ZDHHC17: variants seen among roughly 807,000 people sequenced by gnomAD.
The protein encoded by ZDHHC17 is zDHHC palmitoyltransferase 17.
ZDHHC17 carries 40 observed loss-of-function variants against 90.3 expected under a neutral mutation model. The observed-to-expected ratio is 0.44, with a 90% CI of 0.34 to 0.58. The LOEUF (loss-of-function observed/expected upper bound fraction) is 0.58. ZDHHC17 is among the 20% of genes least tolerant of loss of function. The probability of loss-of-function intolerance (pLI) is 0.01; values close to 1 mark genes in which losing one functional copy is unlikely to be tolerated. For synonymous variants in ZDHHC17, 235 were observed against 252.4 expected, an observed-to-expected ratio of 0.93 and a Z score of 0.65; for missense variants, 614 against 780.8, an observed-to-expected ratio of 0.79 and a Z score of 2.55.
chr12:76,764,471 G>C (rs1389777720), intron 1 of ZDHHC17, 142 bp downstream of exon 1: 2 of 767,954 alleles, frequency 2.6e-6, no homozygotes, highest in Non-Finnish European at 4.1e-6. Context: ...ATCCAGGCCT[G>C]AGCGCGGCTG....
At chr12:76,796,393 A>T (rs1157519673) in intron 1 of ZDHHC17, among the ~76,000 whole-genome samples, 2 of 152,156 alleles carry the variant, frequency 1.3e-5, no homozygotes, top group East Asian at 3.8e-4. Context: ...GTGCTATGTT[A>T]TATTGAGGAA....
chr12:76,777,034 C>T (rs140339585), intron 1 of ZDHHC17, among the ~76,000 whole-genome samples: 1 of 152,254 alleles, frequency 6.6e-6, no homozygotes, highest in East Asian at 1.9e-4. Flanking sequence ...CCAGTGGTAA[C>T]ACCTTGCAAA....
chr12:76,819,993 T>TAA (rs71085459), intron 7 of ZDHHC17, among the ~76,000 whole-genome samples: 18 of 140,784 alleles, frequency 1.3e-4, no homozygotes, highest in African/African-American at 4.8e-4. Flanking sequence ...AACTATGTCT[T>TAA]AAAAAAAAAA....
chr12:76,790,518 C>A (rs1392926420), intron 1 of ZDHHC17, among the ~76,000 whole-genome samples: 7 of 152,076 alleles, frequency 4.6e-5, no homozygotes, highest in Non-Finnish European at 8.8e-5. Flanking sequence ...AATAAATATT[C>A]ATTCATCAAA....
intron 8 of ZDHHC17, among the ~76,000 whole-genome samples, chr12:76,825,588 A>T (rs1953221333): frequency 6.6e-6 from 1 of 152,162 alleles, no homozygotes; most frequent in Admixed American, 6.5e-5. Context: ...CCTGAAATTG[A>T]TGTTTAATTA....
chr12:76,844,259 ATTAT>A (rs1953468211), intron 12 of ZDHHC17: 1 of 152,152 alleles, frequency 6.6e-6, no homozygotes, highest in Admixed American at 6.6e-5. Flanking sequence ...TTTATTATAT[ATTAT>A]TTATAAGCCA....
chr12:76,816,908 A>G (rs544050144), intron 7 of ZDHHC17, among the ~76,000 whole-genome samples: 89 of 152,136 alleles, frequency 5.9e-4, no homozygotes, highest in Admixed American at 8.5e-4. Context: ...AAAATCATGT[A>G]TATTTTTCTT....
At chr12:76,802,418 A>G (rs1057010054) in intron 2 of ZDHHC17, among the ~76,000 whole-genome samples, 4 of 152,194 alleles carry the variant, frequency 2.6e-5, no homozygotes, top group African/African-American at 9.6e-5. Flanking sequence ...AATATGTCTC[A>G]GTGTGGGTGT....
chr12:76,777,778 C>T (rs767156245), intron 1 of ZDHHC17, among the ~76,000 whole-genome samples: 2 of 152,144 alleles, frequency 1.3e-5, no homozygotes, highest in Non-Finnish European at 2.9e-5. Flanking sequence ...AGGCAAGTAG[C>T]GTCACTCTAG....
intron 10 of ZDHHC17, among the ~76,000 whole-genome samples, chr12:76,830,430 A>G (rs1565798860): frequency 6.6e-6 from 1 of 151,428 alleles, no homozygotes; most frequent in Admixed American, 6.6e-5. Context: ...CAGAAAGTAT[A>G]GTACCTTTAA....
chr12:76,785,519 T>C (rs909679780), intron 1 of ZDHHC17, among the ~76,000 whole-genome samples: 2 of 152,240 alleles, frequency 1.3e-5, no homozygotes, highest in African/African-American at 4.8e-5. Context: ...TTTCTACTTA[T>C]GATGGTGGTT....
chr12:76,810,922 T>A (rs1258661140), intron 5 of ZDHHC17, among the ~76,000 whole-genome samples: 1 of 152,150 alleles, frequency 6.6e-6, no homozygotes, highest in Non-Finnish European at 1.5e-5. Context: ...ACAAACTGCT[T>A]AACTGGGAGG....
In ZDHHC17 at chr12:76,845,810, G is replaced by T; in HGVS notation, c.1423+8G>T. The T allele has an allele frequency of 3.3e-6, 5 of 1,506,864 alleles. No homozygotes were observed. The highest frequency in any genetic ancestry group is 4.6e-6 in the Non-Finnish European group (5 of 1,085,652). 93.3% of individuals were successfully genotyped at this position (1,506,864 alleles called of 1,614,324 possible). On this transcript the variant is annotated splice_region_variant and intron_variant, in intron 13 of 16. Transcript: ENST00000426126. ...GGGTGGGTAACTGTGTAGGTAAGTT[G>T]TATTAGTAATTTCTTCTGTATCATT... is the stretch of plus-strand genomic sequence containing the variant.
intron 9 of ZDHHC17, among the ~76,000 whole-genome samples, chr12:76,828,091 T>G (rs1310934971): frequency 1.3e-5 from 2 of 152,126 alleles, no homozygotes; most frequent in Non-Finnish European, 2.9e-5. Context: ...AGCTACTATA[T>G]ATACTAAAGT....
chr12:76,767,467 T>C (rs992420699), intron 1 of ZDHHC17, among the ~76,000 whole-genome samples: 3 of 152,230 alleles, frequency 2.0e-5, no homozygotes, highest in African/African-American at 7.2e-5. Flanking sequence ...GTATTTTAGG[T>C]AAGATAATCT....
chr12:76,815,506 TAGTA>T (rs1953076088), intron 6 of ZDHHC17, among the ~76,000 whole-genome samples: 1 of 151,846 alleles, frequency 6.6e-6, no homozygotes, highest in African/African-American at 2.4e-5. Context: ...ATTTATTAAT[TAGTA>T]AGTTGTCTTA....
intron 1 of ZDHHC17, among the ~76,000 whole-genome samples, chr12:76,783,038 A>T (rs1375687280): frequency 6.6e-6 from 1 of 152,168 alleles, no homozygotes; most frequent in East Asian, 1.9e-4. Context: ...GCAAGGGTTG[A>T]CGTTGAGGCC....
At chr12:76,822,338 C>T in intron 7 of ZDHHC17, 68 bp from the exon 8 acceptor site, 1 of 1,569,746 alleles carries the variant, frequency 6.4e-7, no homozygotes. Context: ...TATAGAAGTT[C>T]TTTAAAGGTA....
At chr12:76,803,830 T>C (rs1407524075) in intron 2 of ZDHHC17, among the ~76,000 whole-genome samples, 1 of 152,198 alleles carries the variant, frequency 6.6e-6, no homozygotes, top group Non-Finnish European at 1.5e-5. Flanking sequence ...TTAGTGAGAA[T>C]GTGAATTGGA....
Sources: gnomAD v4.1 joint callset for allele counts (sites outside exome capture counted in the v4.1 genomes callset) on GRCh38, gnomAD v4.1.1 for gene constraint, MANE v1.5 for transcripts, NCBI Gene and HGNC (gene_info 2026-07-23, HGNC 2026-07-21) for gene names.